UNC13C: variants seen among roughly 807,000 people sequenced by gnomAD.
UNC13C encodes unc-13 homolog C, also known as protein unc-13 homolog C.
A neutral mutation model predicts 245.4 loss-of-function variants in UNC13C; 174 were observed. That is an observed-to-expected ratio of 0.71 (90% confidence interval 0.63 to 0.80). The LOEUF is 0.80. Ranked by LOEUF, UNC13C falls within the 30% of genes least tolerant of loss-of-function variation. The pLI is 0.00. For synonymous variants in UNC13C, 992 were observed against 895.1 expected, an observed-to-expected ratio of 1.11 and a Z score of -1.93; for missense variants, 2,829 against 2,602.9, an observed-to-expected ratio of 1.09 and a Z score of -1.89.
At chr15:54,112,870 C>T (rs1327250049) in intron 2 of UNC13C, among the ~76,000 whole-genome samples, 5 of 152,184 alleles carry the variant, frequency 3.3e-5, no homozygotes, top group Non-Finnish European at 7.3e-5. Flanking sequence ...TTGCTTTCCC[C>T]TAATGCCAAA....
intron 2 of UNC13C, chr15:54,050,461 C>G (rs1184149270): frequency 3.6e-6 from 2 of 551,886 alleles, no homozygotes; most frequent in Non-Finnish European, 7.3e-6. Flanking sequence ...TAAAGTTGAT[C>G]TAAGCATCCA....
In UNC13C at chr15:54,314,331, G is replaced by A. The variant is rs188711303; in HGVS notation, c.4269-7608G>A. 5.9e-5 allele frequency among the ~76,000 whole-genome samples: 9 copies of A among 151,792 alleles called. No homozygotes were observed. In the East Asian group the frequency reaches 1.6e-3, roughly 26 times the overall value. On this transcript the variant is annotated intron_variant, in intron 13 of 32. Coordinates refer to ENST00000260323, the MANE Select transcript of UNC13C (RefSeq NM_001080534.3). ...ACCACAAAAAAAGATAAGTATGGGA[G>A]GTAGTGCAAATGTTAATTAGCTTAA...
At chr15:54,057,824 A>G (rs957659587) in intron 2 of UNC13C, among the ~76,000 whole-genome samples, 20 of 152,210 alleles carry the variant, frequency 1.3e-4, no homozygotes, top group Admixed American at 1.2e-3. Context: ...AAACCACTCA[A>G]CTACATGGAA....
At chr15:54,187,792 C>T (rs1005633229) in intron 4 of UNC13C, among the ~76,000 whole-genome samples, 4 of 151,980 alleles carry the variant, frequency 2.6e-5, no homozygotes, top group African/African-American at 9.7e-5. Flanking sequence ...CCAGGATTCA[C>T]ACTGTATGTT....
intron 30 of UNC13C, among the ~76,000 whole-genome samples, chr15:54,597,827 G>T (rs1899182603): frequency 1.3e-5 from 2 of 152,068 alleles, no homozygotes; most frequent in African/African-American, 2.4e-5. Context: ...ATCATATCCA[G>T]CTAATAATAT....
intron 18 of UNC13C, among the ~76,000 whole-genome samples, chr15:54,406,312 T>C (rs2140937183): frequency 6.6e-6 from 1 of 152,298 alleles, no homozygotes; most frequent in African/African-American, 2.4e-5. Flanking sequence ...ACGATAAGGA[T>C]GCTTCTTTCT....
At chr15:53,872,869 T>C in the UNC13C span, among the ~76,000 whole-genome samples, 1 of 152,302 alleles carries the variant, frequency 6.6e-6, no homozygotes, top group Non-Finnish European at 1.5e-5. Context: ...TTAAACCATA[T>C]TATTTTCTCC....
chr15:53,930,369 G>A, the UNC13C span, among the ~76,000 whole-genome samples: 3 of 152,156 alleles, frequency 2.0e-5, no homozygotes, highest in African/African-American at 7.2e-5. Flanking sequence ...AGATTCAAAG[G>A]AGGGGAAATA....
chr15:54,406,765 C>T (rs929794709), intron 18 of UNC13C, among the ~76,000 whole-genome samples: 1 of 152,138 alleles, frequency 6.6e-6, no homozygotes, highest in African/African-American at 2.4e-5. Flanking sequence ...CTATGCACTT[C>T]TCTTTGCCCT....
At chr15:54,592,196 G>A (rs1420671491) in intron 30 of UNC13C, among the ~76,000 whole-genome samples, 2 of 152,066 alleles carry the variant, frequency 1.3e-5, no homozygotes, top group Non-Finnish European at 2.9e-5. Flanking sequence ...ATGTATTGAG[G>A]CTCATTTTAT....
intron 2 of UNC13C, among the ~76,000 whole-genome samples, chr15:54,094,547 CTGTT>C (rs983148783): frequency 6.6e-6 from 1 of 152,152 alleles, no homozygotes; most frequent in African/African-American, 2.4e-5. Context: ...TTTAAAACAA[CTGTT>C]TGTCTTCTAC....
intron 4 of UNC13C, among the ~76,000 whole-genome samples, chr15:54,217,141 T>C (rs1482507615): frequency 6.6e-6 from 1 of 151,946 alleles, no homozygotes. Flanking sequence ...CATTTTGAGA[T>C]GGGGCTTAGA....
intron 4 of UNC13C, among the ~76,000 whole-genome samples, chr15:54,197,965 G>A (rs765027985): frequency 2.6e-5 from 4 of 152,052 alleles, no homozygotes; most frequent in Non-Finnish European, 4.4e-5. Context: ...AAATAGACTC[G>A]GTGCTGTTGG....
At chr15:54,036,963 T>C (rs1352083025) in intron 2 of UNC13C, among the ~76,000 whole-genome samples, 3 of 152,246 alleles carry the variant, frequency 2.0e-5, no homozygotes, top group Non-Finnish European at 4.4e-5. Context: ...AGCAGGCCAC[T>C]GTGCCTGCAT....
At chr15:53,898,459 T>C in the UNC13C span, among the ~76,000 whole-genome samples, 1 of 151,938 alleles carries the variant, frequency 6.6e-6, no homozygotes, top group Admixed American at 6.6e-5. Flanking sequence ...CACTTTTTTT[T>C]CTCCTAATAG....
intron 4 of UNC13C, among the ~76,000 whole-genome samples, chr15:54,224,822 C>T (rs1232746750): frequency 2.6e-5 from 4 of 152,070 alleles, no homozygotes; most frequent in African/African-American, 4.8e-5. Flanking sequence ...TTCAATCTCA[C>T]TACTTGTTAT....
intron 26 of UNC13C, among the ~76,000 whole-genome samples, chr15:54,539,889 A>C (rs1163609138): frequency 6.6e-6 from 1 of 152,108 alleles, no homozygotes; most frequent in Admixed American, 6.6e-5. Flanking sequence ...TTACTAAAGT[A>C]TAATTAGAAA....
intron 1 of UNC13C, among the ~76,000 whole-genome samples, chr15:54,006,917 C>T (rs1355548675): frequency 2.0e-5 from 3 of 152,088 alleles, no homozygotes; most frequent in Non-Finnish European, 4.4e-5. Flanking sequence ...GCACAGGGGC[C>T]CTCTTGCTCA....
At position 54,054,993 on chromosome 15, in the gene UNC13C, G is replaced by A. The variant is rs548813208; in HGVS notation, c.2983+39107G>A. Among the ~76,000 whole-genome samples, 3 of 152,164 alleles carry A rather than the reference G, an allele frequency of 2.0e-5. No homozygotes were observed. The South Asian group carries it at 6.2e-4, about 32-fold the overall frequency. ...GTGGCCTACACTGTTTGATCAGGATGACAAAATTGCTTTATTTATTCTTCT... is the reference window on the plus strand; with the variant it reads ...GTGGCCTACACTGTTTGATCAGGATAACAAAATTGCTTTATTTATTCTTCT... On this transcript the variant is annotated intron_variant, in intron 2 of 32. Coordinates refer to ENST00000260323, the MANE Select transcript of UNC13C (RefSeq NM_001080534.3).
Sources: allele counts gnomAD v4.1 joint callset (sites outside exome capture counted in the v4.1 genomes callset), GRCh38; gene constraint gnomAD v4.1.1; transcripts MANE v1.5; gene names NCBI Gene and HGNC (gene_info 2026-07-23, HGNC 2026-07-21).